The following GPBP1 variants were observed in gnomAD, a reference collection of about 807,000 sequenced individuals.
GPBP1 encodes the protein vasculin.
GPBP1 carries 13 observed loss-of-function variants against 56.5 expected under a neutral mutation model. The ratio of observed to expected loss-of-function variants is 0.23; its 90% CI spans 0.15 to 0.37. GPBP1 has a LOEUF of 0.37. Ranked by LOEUF, GPBP1 falls within the 10% of genes least tolerant of loss-of-function variation. GPBP1 has a pLI of 1.00. For missense variants in GPBP1, 477 were observed against 572.3 expected, an observed-to-expected ratio of 0.83 and a Z score of 1.70; for synonymous variants, 204 against 188.9, an observed-to-expected ratio of 1.08 and a Z score of -0.66.
At chr5:57,221,931 G>GA (rs1755973667) in intron 3 of GPBP1, among the ~76,000 whole-genome samples, 1 of 152,218 alleles carries the variant, frequency 6.6e-6, no homozygotes, top group Non-Finnish European at 1.5e-5. Flanking sequence ...CTTCTGTGGA[G>GA]AAGGTTTACT....
chr5:57,248,235 T>C (rs963116348), intron 8 of GPBP1, among the ~76,000 whole-genome samples: 5 of 152,214 alleles, frequency 3.3e-5, no homozygotes, highest in African/African-American at 1.2e-4. Context: ...GAAAGGTATG[T>C]ATTGTTACTG....
intron 3 of GPBP1, among the ~76,000 whole-genome samples, chr5:57,224,884 A>G (rs1001115774): frequency 4.0e-5 from 6 of 151,346 alleles, no homozygotes; most frequent in African/African-American, 9.7e-5. Flanking sequence ...TAGATCATGA[A>G]GACAATGACC....
At chr5:57,190,311 G>A (rs551987841) in intron 2 of GPBP1, among the ~76,000 whole-genome samples, 8 of 152,150 alleles carry the variant, frequency 5.3e-5, no homozygotes, top group East Asian at 1.9e-4. Flanking sequence ...TCAGCTGGGC[G>A]TGGTGGCTCA....
At chr5:57,202,384 G>C (rs1755056700) in intron 2 of GPBP1, among the ~76,000 whole-genome samples, 1 of 152,098 alleles carries the variant, frequency 6.6e-6, no homozygotes, top group Non-Finnish European at 1.5e-5. Flanking sequence ...CACCTCCCAG[G>C]TTGAAGTGAT....
intron 2 of GPBP1, among the ~76,000 whole-genome samples, chr5:57,181,562 C>T (rs1220625770): frequency 6.6e-6 from 1 of 151,080 alleles, no homozygotes; most frequent in African/African-American, 2.4e-5. Flanking sequence ...TCACTGGAGC[C>T]CAGGAGTTTG....
chr5:57,246,435 C>T lies in GPBP1; in HGVS notation c.614C>T (p.Pro205Leu). 9.3e-6 allele frequency: 15 copies of T among 1,613,536 alleles called. No homozygotes were observed. The highest frequency in any genetic ancestry group is 1.1e-5 in the Non-Finnish European group (13 of 1,179,716). ...CAGCCAGTTAAGAATGGAACTGGTC[C>T]AAGTGTTTATAAAGGTTTAGTCCCT... ...PSQPVKNGTG[P>L]SVYKGLVPKP... is the part of the protein sequence containing the mutation. Residue 205 changes from proline to leucine, a missense_variant, in exon 7 of 12, where the codon CCA becomes CTA. Physicochemically the swap from Pro to Leu is moderately conservative, Grantham distance 98. Transcript: ENST00000506184.
chr5:57,228,622 C>T (rs890942868), intron 3 of GPBP1, among the ~76,000 whole-genome samples: 2 of 151,790 alleles, frequency 1.3e-5, no homozygotes, highest in African/African-American at 4.8e-5. Context: ...AAAAGATCCC[C>T]TCCATTCTTT....
intron 2 of GPBP1, among the ~76,000 whole-genome samples, chr5:57,178,710 T>G (rs775230703): frequency 2.6e-5 from 4 of 152,258 alleles, no homozygotes; most frequent in Admixed American, 6.5e-5. Flanking sequence ...ACAGATTTAC[T>G]TGAACGTTTT....
At chr5:57,250,887 A>G (rs544809500) in intron 9 of GPBP1, 67 bp from the exon 10 acceptor site, 18 of 1,102,310 alleles carry the variant, frequency 1.6e-5, no homozygotes, top group African/African-American at 1.5e-4. Context: ...GGATCTATTA[A>G]AAGTTTTTAA....
intron 2 of GPBP1, among the ~76,000 whole-genome samples, chr5:57,211,345 C>G (rs1048043977): frequency 1.3e-5 from 2 of 152,016 alleles, no homozygotes; most frequent in South Asian, 2.1e-4. Flanking sequence ...GACCACCACA[C>G]TCAGCCGGTT....
Position 57,264,389 on chromosome 5 carries a change from A to C in GPBP1, c.*1637A>C, listed in dbSNP as rs1442562223. The C allele has an allele frequency of 2.6e-5, 4 of 152,200 alleles. No homozygotes were observed. The highest frequency in any genetic ancestry group is 5.9e-5 in the Non-Finnish European group (4 of 68,016). The allele number at this position is 152,200 out of a possible 1,614,324, so 9.4% of individuals were successfully genotyped here. ...AATGTCTTTGAGACTCTTAGATTGT[A>C]CTATTTGCTTAATAGATTAATGAAA... On this transcript the variant is annotated 3_prime_UTR_variant, in exon 12 of 12. Coordinates refer to ENST00000506184, the MANE Select transcript of GPBP1 (RefSeq NM_022913.4).
intron 2 of GPBP1, among the ~76,000 whole-genome samples, chr5:57,208,422 C>T (rs568607839): frequency 2.3e-4 from 35 of 151,990 alleles, no homozygotes; most frequent in Non-Finnish European, 4.9e-4. Context: ...TTAGTAGGGA[C>T]GGGGTTCACC....
chr5:57,247,363 C>T (rs1741143099), intron 8 of GPBP1, 148 bp downstream of exon 8: 1 of 671,474 alleles, frequency 1.5e-6, no homozygotes, highest in South Asian at 2.8e-5. Context: ...CATTTGTTAA[C>T]CAATTTTGCA....
At chr5:57,174,846 ACCTACAC>A (rs1409819391) in intron 1 of GPBP1, among the ~76,000 whole-genome samples, 2 of 152,282 alleles carry the variant, frequency 1.3e-5, no homozygotes, top group African/African-American at 4.8e-5. Flanking sequence ...GGAAGTGGAA[ACCTACAC>A]CTTCTAGCCC....
intron 10 of GPBP1, among the ~76,000 whole-genome samples, chr5:57,259,895 T>TG (rs1741814599): frequency 6.6e-6 from 1 of 152,224 alleles, no homozygotes; most frequent in South Asian, 2.1e-4. Flanking sequence ...AAACAACTGT[T>TG]GCCATGACCT....
At chr5:57,201,177 G>C (rs993933889) in intron 2 of GPBP1, among the ~76,000 whole-genome samples, 2 of 152,078 alleles carry the variant, frequency 1.3e-5, no homozygotes, top group Non-Finnish European at 2.9e-5. Context: ...GTAATTGTTA[G>C]GTATTTCTCT....
intron 6 of GPBP1, among the ~76,000 whole-genome samples, chr5:57,237,940 C>T (rs547705884): frequency 1.3e-4 from 20 of 151,850 alleles, no homozygotes; most frequent in African/African-American, 4.8e-4. Flanking sequence ...AAATACCCTG[C>T]GGGGAATGTA....
At chr5:57,246,212 AT>A (rs983262396) in intron 6 of GPBP1, 87 bp from the exon 7 acceptor site, 31 of 950,160 alleles carry the variant, frequency 3.3e-5, no homozygotes, top group East Asian at 1.4e-4. Context: ...AAAAAAAAAA[AT>A]TTGGAATATA....
intron 10 of GPBP1, among the ~76,000 whole-genome samples, chr5:57,256,314 G>A (rs142841120): frequency 3.1e-4 from 47 of 151,350 alleles, no homozygotes; most frequent in Non-Finnish European, 6.2e-4. Context: ...TAGAGGGAGG[G>A]GGAAAAAAAA....
Sources: gnomAD v4.1 joint callset for allele counts (sites outside exome capture counted in the v4.1 genomes callset) on GRCh38, gnomAD v4.1.1 for gene constraint, MANE v1.5 for transcripts, NCBI Gene and HGNC (gene_info 2026-07-23, HGNC 2026-07-21) for gene names.